PDE6C: variants seen among roughly 807,000 people sequenced by gnomAD.
PDE6C encodes the protein phosphodiesterase 6C.
PDE6C carries 75 observed loss-of-function variants against 113.1 expected under a neutral mutation model. The ratio of observed to expected loss-of-function variants is 0.66; its 90% CI spans 0.55 to 0.80. PDE6C has a LOEUF of 0.80. Among genes scored for constraint, PDE6C ranks in the 30% least tolerant of loss-of-function variants. The probability of loss-of-function intolerance (pLI) is 0.00; values close to 1 mark genes in which losing one functional copy is unlikely to be tolerated. For missense variants in PDE6C, 912 were observed against 1,038.6 expected (o/e 0.88, Z 1.67); for synonymous variants, 375 against 363.7 (o/e 1.03, Z -0.35).
chr10:93,659,744 T>C (rs1022916397), intron 18 of PDE6C, among the ~76,000 whole-genome samples: 5 of 152,204 alleles, frequency 3.3e-5, no homozygotes, highest in African/African-American at 1.2e-4. Context: ...CTCCCATGAA[T>C]TGGGAATTAT....
chr10:93,615,854 A>G (rs939199576), intron 1 of PDE6C, among the ~76,000 whole-genome samples: 1 of 152,162 alleles, frequency 6.6e-6, no homozygotes, highest in Non-Finnish European at 1.5e-5. Context: ...ACTCTGTCCT[A>G]TGGAGGACAG....
At chr10:93,662,706 C>A in intron 20 of PDE6C, 63 bp downstream of exon 20, 1 of 852,828 alleles carries the variant, frequency 1.2e-6, no homozygotes, top group Non-Finnish European at 2.0e-6. Flanking sequence ...TTCTTTCAAA[C>A]TGTCACCAAA....
At position 93,665,340 on chromosome 10, in the gene PDE6C, G is replaced by C; in HGVS notation, c.2519-20G>C. ...ATATCCACTAACTCCTAATAATATT[G>C]CTTTCCTTGATTTTACTAGCTGCTG... is the stretch of plus-strand genomic sequence containing the variant. On this transcript the variant is annotated intron_variant, in intron 21 of 21. Transcript: ENST00000371447. 1 of 1,588,046 alleles carries C rather than the reference G, an allele frequency of 6.3e-7. No individual in the cohort carries two copies. The highest frequency in any genetic ancestry group is 8.6e-7 in the Non-Finnish European group (1 of 1,156,570).
intron 18 of PDE6C, 62 bp from the exon 19 acceptor site, chr10:93,661,997 A>G (rs1307976259): frequency 1.0e-6 from 1 of 976,608 alleles, no homozygotes; most frequent in African/African-American, 1.6e-5. Flanking sequence ...CACTTGTACT[A>G]ATAAAATGCA....
At position 93,626,944 on chromosome 10, in the gene PDE6C, T is replaced by C. The variant is rs796492166; in HGVS notation, c.1071+73T>C. 3.7e-6 allele frequency: 5 copies of C among 1,342,212 alleles called. No homozygotes were observed. In the African/African-American group the frequency reaches 4.3e-5, roughly 12 times the overall value. The allele number at this position is 1,342,212 out of a possible 1,614,324, so 83.1% of individuals were successfully genotyped here. ...CTTATTAGCTAAGAGATAGATACAA[T>C]TGTGAAAGCAAGAATGCATCCAATA... is the stretch of plus-strand genomic sequence containing the variant. On this transcript the variant is annotated intron_variant, in intron 7 of 21. Transcript: ENST00000371447.
At chr10:93,658,256 C>G (rs953316808) in intron 16 of PDE6C, among the ~76,000 whole-genome samples, 1 of 150,172 alleles carries the variant, frequency 6.7e-6, no homozygotes, top group African/African-American at 2.4e-5. Context: ...CTGAAGTACT[C>G]TTGAACTCAG....
Position 93,620,678 on chromosome 10 carries a change from C to T in PDE6C, c.527C>T (p.Thr176Ile). ...ATGGACAAGCAAACTGGGTATGTCA[C>T]TAAGAACCTGCTGGCAACCCCGATC... Reference protein sequence around the residue: ...DFMDKQTGYVTKNLLATPIVV... With the variant: ...DFMDKQTGYVIKNLLATPIVV... Residue 176 changes from threonine (T) to isoleucine (I), a missense_variant, in exon 2 of 22, where the codon ACT (threonine) becomes ATT (isoleucine). Coordinates refer to ENST00000371447, the MANE Select transcript of PDE6C (RefSeq NM_006204.4). 6.2e-7 allele frequency: 1 copy of T among 1,614,168 alleles called. No homozygotes were observed. The highest frequency in any genetic ancestry group is 8.5e-7 in the Non-Finnish European group (1 of 1,180,014).
intron 1 of PDE6C, among the ~76,000 whole-genome samples, chr10:93,617,547 G>A (rs2058425720): frequency 6.6e-6 from 1 of 152,190 alleles, no homozygotes; most frequent in Non-Finnish European, 1.5e-5. Flanking sequence ...GCTGAGGTGG[G>A]CAGATCACCT....
intron 14 of PDE6C, among the ~76,000 whole-genome samples, chr10:93,645,637 A>G (rs1224172608): frequency 6.6e-6 from 1 of 152,206 alleles, no homozygotes; most frequent in Non-Finnish European, 1.5e-5. Context: ...ATGGGCCTCC[A>G]CATGTTTGCT....
chr10:93,651,768 C>A (rs569747469), intron 15 of PDE6C, among the ~76,000 whole-genome samples: 1 of 152,280 alleles, frequency 6.6e-6, no homozygotes, highest in South Asian at 2.1e-4. Flanking sequence ...TTCTTGTTAC[C>A]TATGACAATG....
chr10:93,635,480 C>T lies in PDE6C; in HGVS notation c.1270-17C>T. 6.2e-6 allele frequency: 10 copies of T among 1,605,782 alleles called. No homozygotes were observed. The highest frequency in any genetic ancestry group is 8.5e-6 in the Non-Finnish European group (10 of 1,172,582). On this transcript the variant is annotated splice_polypyrimidine_tract_variant and intron_variant, in intron 9 of 21. Coordinates refer to ENST00000371447, the MANE Select transcript of PDE6C (RefSeq NM_006204.4). The stretch of plus-strand genomic sequence containing the variant: ...CTTTCACTGAAGAGAATTAGAATCA[C>T]CTTTTATCCATTTCAGACTCTCACA...
chr10:93,625,569 C>T lies in PDE6C; in HGVS notation c.865-6C>T. The T allele has an allele frequency of 6.2e-7, 1 of 1,605,592 alleles. No homozygotes were observed. Among genetic ancestry groups the T allele is most frequent in the Middle Eastern group, 1.7e-4 (1 of 6,040 alleles). On this transcript the variant is annotated splice_region_variant and splice_polypyrimidine_tract_variant and intron_variant, in intron 4 of 21. Transcript: ENST00000371447. ...TTTAATGATACTTAAATCTGATTGC[C>T]TCCAGGAATTCTACGATGAATGGCC...
Position 93,636,394 on chromosome 10 carries a change from GT to G in PDE6C, c.1414-600del, listed in dbSNP as rs369778515. Among the ~76,000 whole-genome samples the G allele has an allele frequency of 9.6e-3, 1,420 of 148,168 alleles. 16 individuals carry two copies. Among genetic ancestry groups the G allele is most frequent in the African/African-American group, 0.03 (1,136 of 38,128 alleles). ...TGTGTGTGTGTGTGTGTGTGTGTGT[GT>G]GTGTGTGTGTGTAGTTTTGCTGGAG... On this transcript the variant is annotated intron_variant, in intron 10 of 21. Coordinates refer to ENST00000371447, the MANE Select transcript of PDE6C (RefSeq NM_006204.4).
intron 18 of PDE6C, among the ~76,000 whole-genome samples, chr10:93,660,096 A>G (rs532745880): frequency 3.2e-4 from 48 of 152,206 alleles, no homozygotes; most frequent in Non-Finnish European, 5.9e-4. Context: ...GGGTTTAACT[A>G]TAAAAGTGGG....
At chr10:93,630,850 A>G (rs1168432355) in intron 8 of PDE6C, among the ~76,000 whole-genome samples, 1 of 152,182 alleles carries the variant, frequency 6.6e-6, no homozygotes, top group East Asian at 1.9e-4. Flanking sequence ...TGTAAACACC[A>G]TATGGCTGCT....
chr10:93,652,199 G>A (rs754790855), intron 15 of PDE6C, among the ~76,000 whole-genome samples: 9 of 152,144 alleles, frequency 5.9e-5, no homozygotes, highest in Non-Finnish European at 1.3e-4. Flanking sequence ...ATCAGAGATG[G>A]GCCACAAATT....
At chr10:93,639,777 T>C (rs2058550071) in intron 11 of PDE6C, among the ~76,000 whole-genome samples, 1 of 152,202 alleles carries the variant, frequency 6.6e-6, no homozygotes, top group African/African-American at 2.4e-5. Flanking sequence ...TTTTGCATCA[T>C]TGAAAGAAAA....
rs554339963 is a variant in PDE6C, at chr10:93,665,171, G to T, written c.2519-189G>T. Among the ~76,000 whole-genome samples the T allele has an allele frequency of 1.8e-3, 267 of 152,180 alleles. 1 individual carries two copies. The highest frequency in any genetic ancestry group is 6.1e-3 in the African/African-American group (254 of 41,542). On this transcript the variant is annotated intron_variant, in intron 21 of 21. Coordinates refer to ENST00000371447, the MANE Select transcript of PDE6C (RefSeq NM_006204.4). ...GGCAGGAGCCACTGCACCTAACCCAGATTTTATTTTTTGAATGGACCAACT... is the reference window on the plus strand; with the variant it reads ...GGCAGGAGCCACTGCACCTAACCCATATTTTATTTTTTGAATGGACCAACT...
At chr10:93,620,514 G>A in intron 1 of PDE6C, 118 bp from the exon 2 acceptor site, 1 of 1,020,564 alleles carries the variant, frequency 9.8e-7, no homozygotes. Flanking sequence ...CCACTGTACT[G>A]GAGCCCTGGT....
Sources: gnomAD v4.1 joint callset for allele counts (sites outside exome capture counted in the v4.1 genomes callset) on GRCh38, gnomAD v4.1.1 for gene constraint, MANE v1.5 for transcripts, NCBI Gene and HGNC (gene_info 2026-07-23, HGNC 2026-07-21) for gene names.